SLC38A5: variants seen among roughly 807,000 people sequenced by gnomAD.
SLC38A5 encodes the protein solute carrier family 38 member 5.
SLC38A5 carries 9 observed loss-of-function variants against 34.6 expected under a neutral mutation model. That is an observed-to-expected ratio of 0.26 (90% confidence interval 0.16 to 0.45). The LOEUF (loss-of-function observed/expected upper bound fraction) is 0.45. Ranked by LOEUF, SLC38A5 falls within the 20% of genes least tolerant of loss-of-function variation. The pLI is 1.00. For missense variants in SLC38A5, 253 were observed against 394.7 expected (o/e 0.64, Z 3.04); for synonymous variants, 157 against 155.6 (o/e 1.01, Z -0.07).
Position 48,466,332 on chromosome X carries a change from G to A in SLC38A5, c.320-10C>T. 8.4e-7 allele frequency: 1 copy of A among 1,186,938 alleles called. No individual in the cohort carries two copies. The highest frequency in any genetic ancestry group is 1.1e-6 in the Non-Finnish European group (1 of 882,449). ...TCATAGGCTCGGATGCCTAGCGGGG[G>A]GAGTCAGGAACAGGGTTGAAGGTCC... On this transcript the variant is annotated splice_polypyrimidine_tract_variant and intron_variant, in intron 6 of 16. Coordinates refer to ENST00000620913, the MANE Select transcript of SLC38A5 (RefSeq NM_033518.4).
Position 48,466,364 on chromosome X carries a change from CCAGGCCAGAGGTG to C in SLC38A5, c.320-55_320-43del, listed in dbSNP as rs781996403. 27 of 1,152,108 alleles carry C rather than the reference CCAGGCCAGAGGTG, an allele frequency of 2.3e-5. No homozygotes were observed. The African/African-American group carries it at 2.9e-4, about 12-fold the overall frequency. The allele number at this position is 1,152,108 out of a possible 1,213,427, so 94.9% of individuals were successfully genotyped here. A position where few individuals can be genotyped will look rare whatever the true frequency, so the allele number is the denominator to read the frequency against. On this transcript the variant is annotated intron_variant, in intron 6 of 16. Transcript: ENST00000620913. ...GGAACAGGGTTGAAGGTCCAGGAGG[CCAGGCCAGAGGTG>C]CAGGCCAGAGGGCCCAGGAGCTGGG...
At chrX:48,463,539 G>A (rs1364442530) in intron 8 of SLC38A5, among the ~76,000 whole-genome samples, 1 of 109,899 alleles carries the variant, frequency 9.1e-6, no homozygotes, top group African/African-American at 3.3e-5. Context: ...CCGGGAGGTG[G>A]AGCTTGCAGT....
chrX:48,467,656 G>A, intron 4 of SLC38A5, 54 bp downstream of exon 4: 1 of 1,122,591 alleles, frequency 8.9e-7, no homozygotes, highest in Admixed American at 2.4e-5. Context: ...AGCAGTGCGG[G>A]AGGAGATTAG....
chrX:48,460,953 C>T, intron 13 of SLC38A5, 33 bp downstream of exon 13: 1 of 1,105,874 alleles, frequency 9.0e-7, no homozygotes, highest in South Asian at 1.9e-5. Flanking sequence ...AGGCCTTCCC[C>T]CTCCCCCCAG....
At chrX:48,464,159 G>A (rs1295291609) in intron 8 of SLC38A5, among the ~76,000 whole-genome samples, 2 of 112,555 alleles carry the variant, frequency 1.8e-5, no homozygotes, top group African/African-American at 6.4e-5. Flanking sequence ...GACTGAAATA[G>A]AAACGAAATC....
At position 48,467,083 on chromosome X, in the gene SLC38A5, C is replaced by T. The variant is rs373931028; in HGVS notation, c.130-6G>A. Reference sequence around the variant, plus strand: ...AACGATGTCTTCCCCTCGAACTGCACGCAAGGAGCAAAGCCCGGGCACACA... The same window carrying T: ...AACGATGTCTTCCCCTCGAACTGCATGCAAGGAGCAAAGCCCGGGCACACA... On this transcript the variant is annotated splice_polypyrimidine_tract_variant and splice_region_variant and intron_variant, in intron 4 of 16. Coordinates refer to ENST00000620913, the MANE Select transcript of SLC38A5 (RefSeq NM_033518.4). The T allele has an allele frequency of 1.7e-5, 21 of 1,200,079 alleles. No individual in the cohort carries two copies. The highest frequency in any genetic ancestry group is 1.1e-4 in the South Asian group (6 of 55,949).
chrX:48,469,121 C>G (rs782154979), intron 2 of SLC38A5: 12 of 600,214 alleles, frequency 2.0e-5, no homozygotes, highest in Non-Finnish European at 2.4e-5. Flanking sequence ...GGAGTCCCAT[C>G]CCCCACCACC....
intron 4 of SLC38A5, 114 bp downstream of exon 4, chrX:48,467,596 A>C (rs868968887): frequency 8.3e-6 from 6 of 719,932 alleles, no homozygotes; most frequent in Middle Eastern, 8.4e-4. Context: ...TGTGCTGGGG[A>C]GATAGCTGGG....
chrX:48,460,011 C>T, intron 14 of SLC38A5, 135 bp from the exon 15 acceptor site: 1 of 846,238 alleles, frequency 1.2e-6, no homozygotes, highest in South Asian at 2.8e-5. Flanking sequence ...TGGCTCCACC[C>T]TGCCTAACCC....
At chrX:48,459,157 T>C (rs1239402479) in intron 16 of SLC38A5, 123 bp from the exon 17 acceptor site, 2 of 732,115 alleles carry the variant, frequency 2.7e-6, no homozygotes, top group South Asian at 2.8e-5. Flanking sequence ...CCCTCCTCTG[T>C]ATGCCCTCTC....
At position 48,462,944 on chromosome X, in the gene SLC38A5, G is replaced by A. The variant is rs782124451; in HGVS notation, c.528C>T (p.Ile176=). The change falls in exon 9 of 17, where the codon ATC becomes ATT. Residue 176 remains isoleucine (I), a synonymous_variant. Coordinates refer to ENST00000620913, the MANE Select transcript of SLC38A5 (RefSeq NM_033518.4). The stretch of plus-strand genomic sequence containing the variant: ...GGGGCAGGATGATTAACACACTGAC[G>A]ATGATGATGAGGAGGTTTCCCTTCA... ...WFLKGNLLII[I]VSVLIILPLA... 69 of 1,207,054 alleles carry A rather than the reference G, an allele frequency of 5.7e-5. No homozygotes were observed. The highest frequency in any genetic ancestry group is 2.3e-4 in the Middle Eastern group (1 of 4,368).
chrX:48,468,900 G>C, intron 2 of SLC38A5: 3 of 750,335 alleles, frequency 4.0e-6, no homozygotes, highest in Non-Finnish European at 4.7e-6. Context: ...TTCCTGGGGT[G>C]GGGGTGTCTC....
rs1602018726 is a variant in SLC38A5, at chrX:48,458,917, G to A, written c.*16C>T. ...CCATGTGCATGCGCACAGGGACCTG[G>A]GCCAGCAGGGCCTGATCAGTGTCCA... On this transcript the variant is annotated 3_prime_UTR_variant, in exon 17 of 17. Transcript: ENST00000620913. 3 of 1,172,343 alleles carry A rather than the reference G, an allele frequency of 2.6e-6. No individual in the cohort carries two copies. The South Asian group carries it at 5.7e-5, about 22-fold the overall frequency.
Position 48,467,749 on chromosome X carries a change from A to G in SLC38A5, c.90T>C (p.Arg30=), listed in dbSNP as rs112433444. The G allele has an allele frequency of 2.4e-4, 294 of 1,206,340 alleles. 1 individual carries two copies. In the African/African-American group the frequency reaches 4.4e-3, roughly 18 times the overall value. ...RQEREGFLPS[R]GPAPGSKPVQ... is the part of the protein sequence containing the mutation. ...CCGGCTTGCTCCCAGGAGCAGGACCACGACTGGGCAGGAAGCCCTCACGTT... is the reference window on the plus strand; with the variant it reads ...CCGGCTTGCTCCCAGGAGCAGGACCGCGACTGGGCAGGAAGCCCTCACGTT... Residue 30 remains arginine, a synonymous_variant, in exon 4 of 17, where the codon CGT becomes CGC. Transcript: ENST00000620913.
chrX:48,462,860 A>G (rs1556962214), intron 9 of SLC38A5, 38 bp downstream of exon 9: 1 of 1,100,956 alleles, frequency 9.1e-7, no homozygotes, highest in Non-Finnish European at 1.2e-6. Context: ...CTTCTGTCTA[A>G]TCCCACTACC....
chrX:48,463,542 C>T (rs184661950), intron 8 of SLC38A5, among the ~76,000 whole-genome samples: 2 of 109,099 alleles, frequency 1.8e-5, no homozygotes, highest in African/African-American at 6.7e-5. Context: ...GGAGGTGGAG[C>T]TTGCAGTGAG....
chrX:48,469,495 G>A (rs1556964492), intron 1 of SLC38A5, 59 bp from the exon 2 acceptor site: 1 of 111,275 alleles, frequency 9.0e-6, no homozygotes, highest in African/African-American at 3.3e-5. Context: ...GGCGGGGGAA[G>A]AGGTGGAGAA....
At position 48,458,693 on chromosome X, in the gene SLC38A5, C is replaced by CTCCTCT. The variant is rs1346184283; in HGVS notation, c.*239_*240insAGAGGA. The stretch of plus-strand genomic sequence containing the variant: ...CCTCCTCCTCCTCCTCCTCCTCCTC[C>CTCCTCT]TCTTCTTCCTCCTCCTCCTCCTCCC... On this transcript the variant is annotated 3_prime_UTR_variant, in exon 17 of 17. Transcript: ENST00000620913. The CTCCTCT allele has an allele frequency of 1.2e-5, 12 of 963,351 alleles. No homozygotes were observed. Among genetic ancestry groups the CTCCTCT allele is most frequent in the South Asian group, 3.5e-5 (1 of 28,523 alleles). The allele number at this position is 963,351 out of a possible 1,213,427, so 79.4% of individuals were successfully genotyped here.
At chrX:48,460,125 T>A (rs2061424731) in intron 14 of SLC38A5, among the ~76,000 whole-genome samples, 1 of 111,254 alleles carries the variant, frequency 9.0e-6, no homozygotes. Context: ...GCACCCACTG[T>A]CTGAAATCCT....
Sources: gnomAD v4.1 joint callset for allele counts (sites outside exome capture counted in the v4.1 genomes callset) on GRCh38, gnomAD v4.1.1 for gene constraint, MANE v1.5 for transcripts, NCBI Gene and HGNC (gene_info 2026-07-23, HGNC 2026-07-21) for gene names.